The following CENPC variants were observed in gnomAD, a reference collection of about 807,000 sequenced individuals.
The protein encoded by CENPC is centromere protein C, also known as CENP-C 1.
A neutral mutation model predicts 112.1 loss-of-function variants in CENPC; 63 were observed. That is an observed-to-expected ratio of 0.56 (90% confidence interval 0.46 to 0.69). CENPC has a LOEUF of 0.69. Among genes scored for constraint, CENPC ranks in the 30% least tolerant of loss-of-function variants. The probability of loss-of-function intolerance (pLI) is 0.00; values close to 1 mark genes in which losing one functional copy is unlikely to be tolerated. For synonymous variants in CENPC, 333 were observed against 367.6 expected, an observed-to-expected ratio of 0.91 and a Z score of 1.08; for missense variants, 1,000 against 1,103.8, an observed-to-expected ratio of 0.91 and a Z score of 1.33.
chr4:67,522,810 G>A (rs1159216547), intron 5 of CENPC, among the ~76,000 whole-genome samples: 1 of 152,006 alleles, frequency 6.6e-6, no homozygotes, highest in Non-Finnish European at 1.5e-5. Context: ...GATGAGCCTG[G>A]CCAACATGGT....
At chr4:67,497,241 G>A (rs1725459583) in intron 12 of CENPC, among the ~76,000 whole-genome samples, 1 of 151,862 alleles carries the variant, frequency 6.6e-6, no homozygotes, top group Non-Finnish European at 1.5e-5. Flanking sequence ...AGCCGGGCAT[G>A]GTGGCACACG....
At chr4:67,476,283 T>C (rs536390134) in intron 17 of CENPC, among the ~76,000 whole-genome samples, 1 of 152,212 alleles carries the variant, frequency 6.6e-6, no homozygotes, top group East Asian at 1.9e-4. Context: ...ACAGACTCTT[T>C]GAAAGAAATG....
At chr4:67,534,989 T>C (rs766759662) in intron 4 of CENPC, among the ~76,000 whole-genome samples, 1 of 152,014 alleles carries the variant, frequency 6.6e-6, no homozygotes, top group Non-Finnish European at 1.5e-5. Flanking sequence ...TAAAGACAGA[T>C]GACATGATCC....
intron 5 of CENPC, among the ~76,000 whole-genome samples, chr4:67,520,833 G>A (rs1308422793): frequency 3.3e-5 from 5 of 151,948 alleles, no homozygotes; most frequent in Non-Finnish European, 4.4e-5. Flanking sequence ...CCAACATGGC[G>A]AAACCCCATC....
At chr4:67,484,024 A>C (rs1725022676) in intron 17 of CENPC, among the ~76,000 whole-genome samples, 1 of 152,192 alleles carries the variant, frequency 6.6e-6, no homozygotes, top group Non-Finnish European at 1.5e-5. Context: ...AGTGTACAGT[A>C]ATGTCCTAGG....
intron 17 of CENPC, among the ~76,000 whole-genome samples, chr4:67,478,480 C>A (rs1724865909): frequency 6.6e-6 from 1 of 152,026 alleles, no homozygotes; most frequent in Admixed American, 6.6e-5. Context: ...AAGATAAAGT[C>A]TTTTTCAGAC....
intron 4 of CENPC, among the ~76,000 whole-genome samples, chr4:67,532,448 G>A (rs1029909431): frequency 1.4e-4 from 21 of 152,128 alleles, no homozygotes; most frequent in African/African-American, 4.3e-4. Flanking sequence ...ACATGCACAC[G>A]TATGTTTATT....
chr4:67,538,042 T>A (rs2646269), intron 4 of CENPC, among the ~76,000 whole-genome samples: 1 of 151,992 alleles, frequency 6.6e-6, no homozygotes, highest in Non-Finnish European at 1.5e-5. Context: ...AAGAGAAAAC[T>A]CCTATGAATT....
At chr4:67,479,061 A>G (rs907104788) in intron 17 of CENPC, among the ~76,000 whole-genome samples, 8 of 152,182 alleles carry the variant, frequency 5.3e-5, no homozygotes, top group Non-Finnish European at 7.3e-5. Context: ...CAGAGCTCCC[A>G]AATTTATAAG....
At chr4:67,542,122 A>C (rs536074708) in intron 2 of CENPC, among the ~76,000 whole-genome samples, 1 of 152,328 alleles carries the variant, frequency 6.6e-6, no homozygotes, top group East Asian at 1.9e-4. Flanking sequence ...ATCAGTATAA[A>C]ATTGACATGC....
intron 17 of CENPC, among the ~76,000 whole-genome samples, chr4:67,481,964 G>C (rs145903552): frequency 6.6e-6 from 1 of 151,654 alleles, no homozygotes. Context: ...AACAGGCAAC[G>C]GCAGAGTAAA....
rs998834516 is a variant in CENPC, at chr4:67,514,003, T to C, written c.1444+71A>G. ...GTTTACTTTGCCTACTTGCCAAAGCTAAGTTAGGATATTAAAAAACATAAA... is the reference window on the plus strand; with the variant it reads ...GTTTACTTTGCCTACTTGCCAAAGCCAAGTTAGGATATTAAAAAACATAAA... On this transcript the variant is annotated intron_variant, in intron 8 of 18. Transcript: ENST00000273853. 2.1e-6 allele frequency: 3 copies of C among 1,401,546 alleles called. No individual in the cohort carries two copies. In the African/African-American group the frequency reaches 4.3e-5, roughly 20 times the overall value. 86.8% of individuals were successfully genotyped at this position (1,401,546 alleles called of 1,614,324 possible). A position where few individuals can be genotyped will look rare whatever the true frequency, so the allele number is the denominator to read the frequency against.
rs1553893259 is a variant in CENPC at position 67,491,525 on chromosome 4, A to AGC, written c.2515+654_2515+655insGC. Among the ~76,000 whole-genome samples the AGC allele has an allele frequency of 6.4e-4, 83 of 130,064 alleles. 1 individual carries two copies. The highest frequency in any genetic ancestry group is 2.0e-3 in the African/African-American group (69 of 34,784). 85.3% of individuals were successfully genotyped at this position (130,064 alleles called of 152,430 possible). ...GAGAGAGAGAGAGAGAGAGAGAGAG[A>AGC]GAGCCTGGTTGTTAAACAGTTGCGT... is the stretch of plus-strand genomic sequence containing the variant. On this transcript the variant is annotated intron_variant, in intron 16 of 18. Coordinates refer to ENST00000273853, the MANE Select transcript of CENPC (RefSeq NM_001812.4).
rs1401036218 is a variant in CENPC, at chr4:67,514,745, G to A, written c.831-58C>T. The stretch of plus-strand genomic sequence containing the variant: ...AAAATAAAGCTTTTATATTTGTTTA[G>A]TAAAGAAAATAATCTAGGAAATAAA... On this transcript the variant is annotated intron_variant, in intron 7 of 18. Coordinates refer to ENST00000273853, the MANE Select transcript of CENPC (RefSeq NM_001812.4). 4 of 1,434,764 alleles carry A rather than the reference G, an allele frequency of 2.8e-6. No individual in the cohort carries two copies. In the Admixed American group the frequency reaches 7.8e-5, roughly 28 times the overall value. The allele number at this position is 1,434,764 out of a possible 1,614,324, so 88.9% of individuals were successfully genotyped here. A position where few individuals can be genotyped will look rare whatever the true frequency, so the allele number is the denominator to read the frequency against.
intron 5 of CENPC, among the ~76,000 whole-genome samples, chr4:67,524,757 A>T (rs1037044248): frequency 6.6e-6 from 1 of 152,204 alleles, no homozygotes; most frequent in Non-Finnish European, 1.5e-5. Context: ...ACACTGTGCA[A>T]AGTAATTTAT....
chr4:67,475,489 G>T (rs1560416553), intron 17 of CENPC, among the ~76,000 whole-genome samples: 1 of 152,186 alleles, frequency 6.6e-6, no homozygotes, highest in Non-Finnish European at 1.5e-5. Flanking sequence ...CCTCCAGAAA[G>T]AAATACAAAC....
At chr4:67,538,507 T>A (rs1342931364) in intron 4 of CENPC, among the ~76,000 whole-genome samples, 3 of 152,172 alleles carry the variant, frequency 2.0e-5, no homozygotes, top group South Asian at 4.1e-4. Context: ...AGGTGAACCC[T>A]CTGATCACCC....
At chr4:67,510,605 T>C (rs1269664423) in intron 9 of CENPC, 1 of 179,662 alleles carries the variant, frequency 5.6e-6, no homozygotes, top group African/African-American at 2.4e-5. Flanking sequence ...TACAATCCTG[T>C]GACTGACTGC....
At chr4:67,486,968 GTTT>G (rs58948980) in intron 17 of CENPC, among the ~76,000 whole-genome samples, 1 of 131,820 alleles carries the variant, frequency 7.6e-6, no homozygotes, top group Non-Finnish European at 1.6e-5. Context: ...TTGCTTTTAG[GTTT>G]TTTTTTTTTT....
Sources: allele counts gnomAD v4.1 joint callset (sites outside exome capture counted in the v4.1 genomes callset), GRCh38; gene constraint gnomAD v4.1.1; transcripts MANE v1.5; gene names NCBI Gene and HGNC (gene_info 2026-07-23, HGNC 2026-07-21).